The following WIPF1 variants were observed in gnomAD, a reference collection of about 807,000 sequenced individuals.
WIPF1 encodes WAS/WASL-interacting protein family member 1.
WIPF1 carries 13 observed loss-of-function variants against 35.4 expected under a neutral mutation model. The observed-to-expected ratio is 0.37, with a 90% CI of 0.24 to 0.58. The LOEUF (loss-of-function observed/expected upper bound fraction) is 0.58, where lower values mean the gene tolerates loss of function less well. Among genes scored for constraint, WIPF1 ranks in the 20% least tolerant of loss-of-function variants. The probability of loss-of-function intolerance (pLI) is 0.74; values close to 1 mark genes in which losing one functional copy is unlikely to be tolerated. For missense variants in WIPF1, 591 were observed against 667.0 expected (o/e 0.89, Z 1.25); for synonymous variants, 267 against 266.3 (o/e 1.00, Z -0.02).
chr2:174,574,458 C>T (rs560622818), intron 4 of WIPF1, among the ~76,000 whole-genome samples: 10 of 152,278 alleles, frequency 6.6e-5, no homozygotes, highest in African/African-American at 2.4e-4. Context: ...GAGTTTCATT[C>T]TTTCCCAGGG....
intron 1 of WIPF1, among the ~76,000 whole-genome samples, chr2:174,636,492 A>C (rs1242268535): frequency 6.6e-6 from 1 of 152,232 alleles, no homozygotes; most frequent in Non-Finnish European, 1.5e-5. Flanking sequence ...ATTTAGTATG[A>C]TACATAAGTA....
intron 1 of WIPF1, chr2:174,623,494 C>T (rs947098264): frequency 6.6e-6 from 1 of 152,184 alleles, no homozygotes; most frequent in African/African-American, 2.4e-5. Context: ...GCTCTTAACA[C>T]GGTAGCTGGC....
intron 1 of WIPF1, among the ~76,000 whole-genome samples, chr2:174,670,579 G>A (rs1417491380): frequency 6.6e-6 from 1 of 152,200 alleles, no homozygotes; most frequent in Non-Finnish European, 1.5e-5. Flanking sequence ...TGCATAAATG[G>A]AGGCCTGTAA....
chr2:174,611,416 C>T lies in WIPF1; in HGVS notation c.-38-25805G>A, dbSNP rs954892070. Among the ~76,000 whole-genome samples the T allele has an allele frequency of 2.6e-5, 4 of 152,138 alleles. No individual in the cohort carries two copies. In the East Asian group the frequency reaches 5.8e-4, roughly 22 times the overall value. On this transcript the variant is annotated intron_variant, in intron 1 of 8. Coordinates refer to the WIPF1 transcript ENST00000272746. ...AAAAACTTGATGATATATTGCTAGG[C>T]CAGCCCACAAAAGTATATTTAGTTC...
chr2:174,610,873 G>A (rs969790348), intron 1 of WIPF1, among the ~76,000 whole-genome samples: 3 of 152,124 alleles, frequency 2.0e-5, no homozygotes, highest in African/African-American at 7.2e-5. Flanking sequence ...TGCAGTCACT[G>A]ACCTTTTCCC....
intron 3 of WIPF1, among the ~76,000 whole-genome samples, chr2:174,575,943 C>T (rs148851812): frequency 2.5e-4 from 38 of 152,004 alleles, no homozygotes; most frequent in Non-Finnish European, 5.0e-4. Flanking sequence ...TAAAATATCT[C>T]ATAATTTCAC....
chr2:174,579,247 C>T (rs1347411130), intron 3 of WIPF1, among the ~76,000 whole-genome samples: 1 of 152,174 alleles, frequency 6.6e-6, no homozygotes, highest in Non-Finnish European at 1.5e-5. Context: ...CTCAGGTGAT[C>T]GACTTGCCTC....
intron 7 of WIPF1, among the ~76,000 whole-genome samples, chr2:174,564,686 A>C (rs966904484): frequency 6.6e-6 from 1 of 152,130 alleles, no homozygotes; most frequent in Non-Finnish European, 1.5e-5. Flanking sequence ...ATTTAGAATA[A>C]GAAGCAAATA....
chr2:174,616,991 T>C (rs970636029), intron 1 of WIPF1, among the ~76,000 whole-genome samples: 5 of 152,162 alleles, frequency 3.3e-5, no homozygotes, highest in Non-Finnish European at 7.4e-5. Context: ...TTTTTTTTAA[T>C]AGGAAGACAG....
chr2:174,668,126 C>T (rs1426003744), intron 1 of WIPF1, among the ~76,000 whole-genome samples: 1 of 152,122 alleles, frequency 6.6e-6, no homozygotes, highest in Admixed American at 6.5e-5. Context: ...CTTGGTCCTG[C>T]CCAGTAAAAA....
chr2:174,672,869 T>C (rs986617030), intron 1 of WIPF1, among the ~76,000 whole-genome samples: 12 of 152,210 alleles, frequency 7.9e-5, no homozygotes, highest in African/African-American at 2.9e-4. Flanking sequence ...CATGTTACCT[T>C]TCTGCCTTTA....
intron 1 of WIPF1, among the ~76,000 whole-genome samples, chr2:174,605,532 A>G (rs1396151991): frequency 6.6e-6 from 1 of 152,186 alleles, no homozygotes; most frequent in East Asian, 1.9e-4. Flanking sequence ...GGAAATTTGG[A>G]TATTGTTCAG....
chr2:174,659,500 C>T (rs1359803130), intron 1 of WIPF1, among the ~76,000 whole-genome samples: 1 of 152,182 alleles, frequency 6.6e-6, no homozygotes, highest in East Asian at 1.9e-4. Context: ...GCTCAACTCA[C>T]AGGAAACAGA....
intron 1 of WIPF1, among the ~76,000 whole-genome samples, chr2:174,628,451 C>T (rs1686915891): frequency 6.6e-6 from 1 of 152,234 alleles, no homozygotes; most frequent in Non-Finnish European, 1.5e-5. Flanking sequence ...GAAATTTTTC[C>T]TCTCTGCTCC....
intron 2 of WIPF1, 115 bp from the exon 3 acceptor site, chr2:174,581,554 GGT>G (rs1178819585): frequency 1.5e-6 from 2 of 1,375,264 alleles, no homozygotes; most frequent in African/African-American, 2.9e-5. Flanking sequence ...CTTGGTGATA[GGT>G]TGTAAATTCT....
At chr2:174,599,792 A>ACTCTCTCTCT (rs3049904), upstream of WIPF1, among the ~76,000 whole-genome samples, 1 of 148,564 alleles carries the variant, frequency 6.7e-6, no homozygotes, top group Non-Finnish European at 1.5e-5. Context: ...ACACACACAC[A>ACTCTCTCTCT]CTCTCTCTCT....
At chr2:174,601,805 G>C (rs903646129), upstream of WIPF1, among the ~76,000 whole-genome samples, 3 of 152,264 alleles carry the variant, frequency 2.0e-5, no homozygotes, top group Admixed American at 6.5e-5. Context: ...CAGGGGTCCA[G>C]AGAAGTTAGG....
At chr2:174,608,170 A>G (rs1686232659) in intron 1 of WIPF1, among the ~76,000 whole-genome samples, 1 of 152,172 alleles carries the variant, frequency 6.6e-6, no homozygotes, top group South Asian at 2.1e-4. Context: ...GAAAATAGTG[A>G]GATGACTGAC....
chr2:174,575,563 T>C, intron 3 of WIPF1, 183 bp from the exon 4 acceptor site: 1 of 1,068,422 alleles, frequency 9.4e-7, no homozygotes. Context: ...CTCCAGGCAG[T>C]CCCAAGCCCA....
Sources: allele counts gnomAD v4.1 joint callset (sites outside exome capture counted in the v4.1 genomes callset), GRCh38; gene constraint gnomAD v4.1.1; transcripts MANE v1.5; gene names NCBI Gene and HGNC (gene_info 2026-07-23, HGNC 2026-07-21).